The following MAP2 variants were observed in gnomAD, a reference collection of about 807,000 sequenced individuals.
MAP2 encodes the protein microtubule associated protein 2.
A neutral mutation model predicts 137.6 loss-of-function variants in MAP2; 14 were observed. The ratio of observed to expected loss-of-function variants is 0.10; its 90% CI spans 0.07 to 0.16. The LOEUF (loss-of-function observed/expected upper bound fraction) is 0.16. Among genes scored for constraint, MAP2 ranks in the 10% least tolerant of loss-of-function variants. The pLI, the probability that MAP2 is intolerant of heterozygous loss-of-function variation, is 1.00. For synonymous variants in MAP2, 786 were observed against 782.3 expected (o/e 1.00, Z -0.08); for missense variants, 2,088 against 2,191.5 (o/e 0.95, Z 0.94).
At chr2:209,463,627 A>G (rs952190679) in intron 1 of MAP2, among the ~76,000 whole-genome samples, 2 of 152,238 alleles carry the variant, frequency 1.3e-5, no homozygotes, top group Admixed American at 1.3e-4. Context: ...AAATGTATGT[A>G]CTGAAAATCA....
At chr2:209,429,043 C>G (rs1370554839) in intron 1 of MAP2, among the ~76,000 whole-genome samples, 2 of 151,918 alleles carry the variant, frequency 1.3e-5, no homozygotes, top group Admixed American at 6.6e-5. Context: ...AAGCTCCGCC[C>G]CCCGGGTTCA....
rs1052897642 is a variant in MAP2, at chr2:209,651,131, C to T, written c.-29-2011C>T. On this transcript the variant is annotated intron_variant, in intron 4 of 15. Coordinates refer to ENST00000682079, the MANE Select transcript of MAP2 (RefSeq NM_001375505.1). Reference sequence around the variant, plus strand: ...AGCGGAAACACAATGCTTAGGCTACCCAATTAGATCTTTTGATATGTGACT... The same window carrying T: ...AGCGGAAACACAATGCTTAGGCTACTCAATTAGATCTTTTGATATGTGACT... 7.2e-5 allele frequency among the ~76,000 whole-genome samples: 11 copies of T among 152,084 alleles called. 1 individual carries two copies. Among genetic ancestry groups the T allele is most frequent in the African/African-American group, 2.7e-4 (11 of 41,436 alleles).
At chr2:209,439,174 G>A (rs1448174586) in intron 1 of MAP2, among the ~76,000 whole-genome samples, 1 of 151,430 alleles carries the variant, frequency 6.6e-6, no homozygotes, top group African/African-American at 2.4e-5. Flanking sequence ...ATCATATGGT[G>A]ATTGCTTTGT....
intron 1 of MAP2, among the ~76,000 whole-genome samples, chr2:209,472,425 T>G (rs1359398425): frequency 1.3e-5 from 2 of 152,174 alleles, no homozygotes; most frequent in African/African-American, 4.8e-5. Flanking sequence ...GCTGCTTCAT[T>G]TCCACCAGAG....
chr2:209,428,887 T>G (rs1693333843), intron 1 of MAP2, among the ~76,000 whole-genome samples: 1 of 152,006 alleles, frequency 6.6e-6, no homozygotes, highest in South Asian at 2.1e-4. Context: ...CGCCTCAATG[T>G]GTCCTCATTA....
chr2:209,625,844 G>T (rs534933253), intron 4 of MAP2, among the ~76,000 whole-genome samples: 1 of 152,042 alleles, frequency 6.6e-6, no homozygotes, highest in South Asian at 2.1e-4. Context: ...GTAAATAAAG[G>T]AATATATATG....
chr2:209,576,152 A>G (rs370717190), intron 2 of MAP2, among the ~76,000 whole-genome samples: 10 of 152,350 alleles, frequency 6.6e-5, no homozygotes, highest in African/African-American at 2.4e-4. Flanking sequence ...TCAGGCATCT[A>G]CAATGAAGCA....
At chr2:209,678,832 G>A (rs1222630407) in intron 6 of MAP2, 147 bp downstream of exon 6, 1 of 433,564 alleles carries the variant, frequency 2.3e-6, no homozygotes, top group Non-Finnish European at 4.1e-6. Flanking sequence ...TATGCACTAG[G>A]ACCTATTTTC....
chr2:209,582,002 C>A (rs2076533503), intron 3 of MAP2, among the ~76,000 whole-genome samples: 1 of 151,902 alleles, frequency 6.6e-6, no homozygotes, highest in Non-Finnish European at 1.5e-5. Context: ...AATTCTGGGA[C>A]CTATATCATG....
intron 7 of MAP2, among the ~76,000 whole-genome samples, chr2:209,689,300 A>AT (rs3835776): frequency 2.4e-4 from 36 of 151,718 alleles, no homozygotes; most frequent in Non-Finnish European, 3.7e-4. Flanking sequence ...GATAATGTAG[A>AT]TTTTTTTTTC....
At chr2:209,462,934 T>C (rs574000024) in intron 1 of MAP2, among the ~76,000 whole-genome samples, 62 of 152,278 alleles carry the variant, frequency 4.1e-4, no homozygotes, top group African/African-American at 1.4e-3. Context: ...GAGATTTTTC[T>C]GTAATTATCT....
intron 3 of MAP2, among the ~76,000 whole-genome samples, chr2:209,601,897 C>G (rs1189091331): frequency 6.6e-6 from 1 of 152,026 alleles, no homozygotes; most frequent in Non-Finnish European, 1.5e-5. Context: ...AGTAAATTGC[C>G]AAAAAGACTC....
intron 4 of MAP2, among the ~76,000 whole-genome samples, chr2:209,640,904 T>C (rs2093973205): frequency 1.4e-5 from 2 of 146,720 alleles, no homozygotes; most frequent in South Asian, 2.2e-4. Context: ...TGTCTTTTCA[T>C]GACTGCCATT....
At chr2:209,714,981 GT>G (rs570982725) in intron 13 of MAP2, among the ~76,000 whole-genome samples, 1 of 151,808 alleles carries the variant, frequency 6.6e-6, no homozygotes, top group Non-Finnish European at 1.5e-5. Context: ...CCATGCCAAA[GT>G]TTTTTTTACC....
chr2:209,700,144 G>C, intron 10 of MAP2, 133 bp from the exon 11 acceptor site: 1 of 631,268 alleles, frequency 1.6e-6, no homozygotes. Context: ...TATTGAATTT[G>C]AGTCTCATAA....
chr2:209,653,391 G>T lies in MAP2; in HGVS notation c.221G>T (p.Gly74Val). ...QGTYSNTKENGINGELTSADR... is the reference protein window; with the variant it reads ...QGTYSNTKENVINGELTSADR... ...ACCTATTCAAATACCAAAGAGAATGGGATCAACGGAGAGCTGACCTCAGCT... is the reference window on the plus strand; with the variant it reads ...ACCTATTCAAATACCAAAGAGAATGTGATCAACGGAGAGCTGACCTCAGCT... The change falls in exon 5 of 16, where the codon GGG becomes GTG. Residue 74 changes from glycine to valine, a missense_variant. Gly to Val is a moderately radical substitution (Grantham distance 109, BLOSUM62 -3). Coordinates refer to ENST00000682079, the MANE Select transcript of MAP2 (RefSeq NM_001375505.1). 1 of 1,612,740 alleles carries T rather than the reference G, an allele frequency of 6.2e-7. No individual in the cohort carries two copies. Among genetic ancestry groups the T allele is most frequent in the Non-Finnish European group, 8.5e-7 (1 of 1,179,166 alleles).
At chr2:209,438,415 T>C (rs1696902879) in intron 1 of MAP2, among the ~76,000 whole-genome samples, 1 of 151,684 alleles carries the variant, frequency 6.6e-6, no homozygotes, top group East Asian at 1.9e-4. Flanking sequence ...ACTGGAAACT[T>C]TGTGATGAAT....
chr2:209,429,678 A>G (rs62213407), intron 1 of MAP2, among the ~76,000 whole-genome samples: 32,316 of 152,046 alleles, frequency 0.21, 4,058 homozygotes, highest in South Asian at 0.3. Context: ...TTTACAGTTA[A>G]AGCAAACTCA....
At position 209,551,307 on chromosome 2, in the gene MAP2, A is replaced by G. The variant is rs1267616716; in HGVS notation, c.-171-28729A>G. Among the ~76,000 whole-genome samples the G allele has an allele frequency of 3.3e-5, 5 of 152,160 alleles. No individual in the cohort carries two copies. The East Asian group carries it at 9.7e-4, about 29-fold the overall frequency. Reference sequence around the variant, plus strand: ...GGTCTTGATGGTGCACTTCTTCCTCACTTTTTATTTTCATCAGTTACTTTT... The same window carrying G: ...GGTCTTGATGGTGCACTTCTTCCTCGCTTTTTATTTTCATCAGTTACTTTT... On this transcript the variant is annotated intron_variant, in intron 2 of 15. Transcript: ENST00000682079.
Sources: gnomAD v4.1 joint callset for allele counts (sites outside exome capture counted in the v4.1 genomes callset) on GRCh38, gnomAD v4.1.1 for gene constraint, MANE v1.5 for transcripts, NCBI Gene and HGNC (gene_info 2026-07-23, HGNC 2026-07-21) for gene names.